RALYL: variants seen among roughly 807,000 people sequenced by gnomAD.
The protein encoded by RALYL is RALY RNA binding protein like.
A neutral mutation model predicts 35.1 loss-of-function variants in RALYL; 29 were observed. The observed-to-expected ratio is 0.83, with a 90% CI of 0.61 to 1.13. RALYL has a LOEUF of 1.13. Among genes scored for constraint, RALYL ranks in the 50% most tolerant of loss-of-function variants. The probability of loss-of-function intolerance (pLI) is 0.00; values close to 1 mark genes in which losing one functional copy is unlikely to be tolerated. For missense variants in RALYL, 359 were observed against 360.4 expected, an observed-to-expected ratio of 1.00 and a Z score of 0.03; for synonymous variants, 120 against 127.6, an observed-to-expected ratio of 0.94 and a Z score of 0.40.
chr8:84,671,965 C>A (rs1833347202), intron 2 of RALYL, among the ~76,000 whole-genome samples: 1 of 152,176 alleles, frequency 6.6e-6, no homozygotes, highest in Admixed American at 6.5e-5. Context: ...TGCAAATTTT[C>A]CAAACTGTTA....
intron 3 of RALYL, among the ~76,000 whole-genome samples, chr8:84,785,368 A>G (rs778703336): frequency 3.9e-5 from 6 of 152,208 alleles, no homozygotes; most frequent in Non-Finnish European, 8.8e-5. Context: ...ATTATAAAAA[A>G]AAATCAACCT....
intron 1 of RALYL, among the ~76,000 whole-genome samples, chr8:84,428,450 C>T (rs1201270005): frequency 3.9e-5 from 6 of 151,910 alleles, no homozygotes; most frequent in Non-Finnish European, 5.9e-5. Context: ...CCTTTTTCTT[C>T]CTTATTTTTC....
At chr8:84,741,557 G>A (rs9886620) in intron 2 of RALYL, among the ~76,000 whole-genome samples, 52,842 of 151,666 alleles carry the variant, frequency 0.35, 9,727 homozygotes, top group Non-Finnish European at 0.37. Flanking sequence ...GTGATTAGCT[G>A]GTTCTCTCCA....
At chr8:84,588,581 G>A (rs1371882499) in intron 2 of RALYL, among the ~76,000 whole-genome samples, 1 of 152,198 alleles carries the variant, frequency 6.6e-6, no homozygotes, top group African/African-American at 2.4e-5. Flanking sequence ...GTAATGCTCA[G>A]CCAGTATTAA....
intron 1 of RALYL, among the ~76,000 whole-genome samples, chr8:84,460,938 A>G (rs1212953415): frequency 6.6e-6 from 1 of 151,630 alleles, no homozygotes; most frequent in Non-Finnish European, 1.5e-5. Context: ...TATAACACTG[A>G]CATAATGCAG....
chr8:84,501,928 G>T (rs562266925), intron 1 of RALYL, among the ~76,000 whole-genome samples: 243 of 151,360 alleles, frequency 1.6e-3, no homozygotes, highest in African/African-American at 5.6e-3. Context: ...TTTTACTCAA[G>T]AATGAAACAT....
chr8:84,583,101 G>A (rs189489102), intron 2 of RALYL, among the ~76,000 whole-genome samples: 1 of 151,940 alleles, frequency 6.6e-6, no homozygotes, highest in African/African-American at 2.4e-5. Context: ...CATTTTCCTG[G>A]TTCAAAACTG....
chr8:84,451,923 A>G (rs2049523188), intron 1 of RALYL, among the ~76,000 whole-genome samples: 1 of 151,944 alleles, frequency 6.6e-6, no homozygotes, highest in African/African-American at 2.4e-5. Context: ...TGTTGTTCTC[A>G]TACTCGATAT....
chr8:84,832,999 A>G (rs970088246), intron 4 of RALYL, among the ~76,000 whole-genome samples: 3 of 152,148 alleles, frequency 2.0e-5, no homozygotes, highest in Non-Finnish European at 4.4e-5. Flanking sequence ...TGGAGCCACA[A>G]TGAAGAAATT....
At chr8:84,587,781 T>G (rs1247611040) in intron 2 of RALYL, among the ~76,000 whole-genome samples, 1 of 152,184 alleles carries the variant, frequency 6.6e-6, no homozygotes, top group Non-Finnish European at 1.5e-5. Flanking sequence ...ACTCCAAAAC[T>G]GAGAGCATCA....
intron 2 of RALYL, among the ~76,000 whole-genome samples, chr8:84,645,377 A>G (rs1015252007): frequency 6.6e-6 from 1 of 151,826 alleles, no homozygotes; most frequent in Non-Finnish European, 1.5e-5. Context: ...AATATTTTAT[A>G]TAGTAATCTT....
intron 2 of RALYL, among the ~76,000 whole-genome samples, chr8:84,630,140 T>G (rs917979005): frequency 2.6e-5 from 4 of 151,978 alleles, no homozygotes; most frequent in African/African-American, 9.7e-5. Flanking sequence ...ACAAAAATAA[T>G]ATTAAAAACA....
At chr8:84,919,367 C>T (rs1048270339) in intron 8 of RALYL, among the ~76,000 whole-genome samples, 3 of 151,880 alleles carry the variant, frequency 2.0e-5, no homozygotes, top group Non-Finnish European at 4.4e-5. Context: ...GTTATTCATT[C>T]TCATAATGAT....
At chr8:84,223,096 T>G (rs1822721722) in intron 1 of RALYL, among the ~76,000 whole-genome samples, 1 of 78,422 alleles carries the variant, frequency 1.3e-5, no homozygotes, top group Non-Finnish European at 2.2e-5. Context: ...TCCTTTCCTT[T>G]CCTTTCCTTT....
chr8:84,838,642 A>C (rs958263540), intron 4 of RALYL, among the ~76,000 whole-genome samples: 5 of 152,250 alleles, frequency 3.3e-5, no homozygotes, highest in African/African-American at 1.2e-4. Flanking sequence ...CAAACAATTC[A>C]GAATACTTAG....
At chr8:84,533,637 G>A (rs1275002818) in intron 2 of RALYL, among the ~76,000 whole-genome samples, 1 of 152,156 alleles carries the variant, frequency 6.6e-6, no homozygotes, top group Admixed American at 6.5e-5. Context: ...AAACCCATAT[G>A]CAGGCCCCTG....
chr8:84,394,515 T>C (rs1307569451), intron 1 of RALYL, among the ~76,000 whole-genome samples: 2 of 152,176 alleles, frequency 1.3e-5, no homozygotes, highest in Non-Finnish European at 2.9e-5. Context: ...CTTTGTTTAA[T>C]ATAAGGTGAT....
At chr8:84,425,152 G>T (rs951953009) in intron 1 of RALYL, among the ~76,000 whole-genome samples, 1 of 152,124 alleles carries the variant, frequency 6.6e-6, no homozygotes, top group African/African-American at 2.4e-5. Context: ...CCCCAGCCTC[G>T]CTGCTACCTT....
chr8:84,213,776 T>A (rs1168418753), intron 1 of RALYL, among the ~76,000 whole-genome samples: 3 of 152,214 alleles, frequency 2.0e-5, no homozygotes, highest in Non-Finnish European at 4.4e-5. Flanking sequence ...ATTTCGGTTC[T>A]GTCCTAAGAA....
Sources: allele counts gnomAD v4.1 joint callset (sites outside exome capture counted in the v4.1 genomes callset), GRCh38; gene constraint gnomAD v4.1.1; transcripts MANE v1.5; gene names NCBI Gene and HGNC (gene_info 2026-07-23, HGNC 2026-07-21).